The following SND1 variants were observed in gnomAD, a reference collection of about 807,000 sequenced individuals.
SND1 encodes staphylococcal nuclease and tudor domain containing 1, also known as staphylococcal nuclease domain-containing protein 1.
A neutral mutation model predicts 121.7 loss-of-function variants in SND1; 38 were observed. The ratio of observed to expected loss-of-function variants is 0.31; its 90% CI spans 0.24 to 0.41. The LOEUF (loss-of-function observed/expected upper bound fraction) is 0.41, where lower values mean the gene tolerates loss of function less well. Among genes scored for constraint, SND1 ranks in the 10% least tolerant of loss-of-function variants. The pLI is 1.00. For synonymous variants in SND1, 401 were observed against 447.4 expected, an observed-to-expected ratio of 0.90 and a Z score of 1.31; for missense variants, 868 against 1,184.6, an observed-to-expected ratio of 0.73 and a Z score of 3.92.
intron 10 of SND1, among the ~76,000 whole-genome samples, chr7:127,739,731 T>C (rs1248082512): frequency 6.6e-6 from 1 of 152,236 alleles, no homozygotes; most frequent in Non-Finnish European, 1.5e-5. Flanking sequence ...AAGTTGGACT[T>C]GGTCCTCTTG....
At chr7:127,740,097 T>C (rs1346498639) in intron 10 of SND1, among the ~76,000 whole-genome samples, 2 of 152,236 alleles carry the variant, frequency 1.3e-5, no homozygotes, top group African/African-American at 2.4e-5. Flanking sequence ...AAATTCTCGC[T>C]GCCTGCAAGC....
At chr7:127,960,124 T>G (rs563579772) in intron 15 of SND1, among the ~76,000 whole-genome samples, 4 of 152,242 alleles carry the variant, frequency 2.6e-5, no homozygotes, top group Non-Finnish European at 5.9e-5. Flanking sequence ...GCACCTCTGC[T>G]TCTGTCGCTG....
At chr7:127,904,962 AT>A (rs953395250) in intron 14 of SND1, 143 bp downstream of exon 14, 96 of 607,320 alleles carry the variant, frequency 1.6e-4, no homozygotes, top group Non-Finnish European at 2.6e-4. Flanking sequence ...ACCCCGGGGC[AT>A]CTACTTAGGT....
chr7:127,688,555 A>G (rs557594718), intron 2 of SND1, among the ~76,000 whole-genome samples: 1 of 151,458 alleles, frequency 6.6e-6, no homozygotes, highest in East Asian at 1.9e-4. Context: ...TCTCAAAAAA[A>G]AAAAAAAAAA....
At chr7:127,926,713 C>T (rs559531692) in intron 14 of SND1, among the ~76,000 whole-genome samples, 3 of 135,614 alleles carry the variant, frequency 2.2e-5, no homozygotes, top group African/African-American at 8.4e-5. Flanking sequence ...CCACCACACC[C>T]GGCTATTTTG....
intron 12 of SND1, among the ~76,000 whole-genome samples, chr7:127,853,682 G>T (rs776535968): frequency 4.6e-5 from 7 of 152,212 alleles, no homozygotes; most frequent in Non-Finnish European, 1.0e-4. Context: ...GGGCTTCAAA[G>T]TTCCATAGGG....
At chr7:127,714,443 A>G (rs539168364) in intron 9 of SND1, among the ~76,000 whole-genome samples, 97 of 152,310 alleles carry the variant, frequency 6.4e-4, no homozygotes, top group African/African-American at 2.3e-3. Flanking sequence ...GGAGTTCATT[A>G]TCATGTCTCT....
chr7:127,959,111 C>A (rs1443172770), intron 15 of SND1, among the ~76,000 whole-genome samples: 2 of 152,134 alleles, frequency 1.3e-5, no homozygotes, highest in Non-Finnish European at 2.9e-5. Flanking sequence ...ATAGCAGCAG[C>A]CCACGAGTTC....
At chr7:127,962,525 C>T (rs1307008714) in intron 15 of SND1, among the ~76,000 whole-genome samples, 1 of 152,170 alleles carries the variant, frequency 6.6e-6, no homozygotes, top group African/African-American at 2.4e-5. Flanking sequence ...CTGTTGGCAA[C>T]AGAAAGCAGG....
At chr7:127,656,726 G>A (rs757401533) in intron 1 of SND1, among the ~76,000 whole-genome samples, 109 of 152,242 alleles carry the variant, frequency 7.2e-4, no homozygotes, top group African/African-American at 2.3e-3. Flanking sequence ...CAGGGACCCC[G>A]AACAGAGGGA....
At chr7:127,694,801 A>C in intron 2 of SND1, 27 bp from the exon 3 acceptor site, 4 of 1,612,552 alleles carry the variant, frequency 2.5e-6, no homozygotes, top group Non-Finnish European at 3.4e-6. Flanking sequence ...GGCAGTTCTC[A>C]TGTGACATAT....
At chr7:127,885,141 G>T (rs1471192753) in intron 12 of SND1, among the ~76,000 whole-genome samples, 1 of 152,136 alleles carries the variant, frequency 6.6e-6, no homozygotes, top group Non-Finnish European at 1.5e-5. Flanking sequence ...AAAATACTGT[G>T]CTTGGAACTG....
Position 127,807,492 on chromosome 7 carries a change from C to G in SND1, c.1161C>G (p.Asn387Lys). The change falls in exon 11 of 24, where the codon AAC (asparagine) becomes AAG (lysine). Residue 387 changes from asparagine (N) to lysine (K), a missense_variant. By Grantham distance (94) the Asn-to-Lys change is moderately conservative. Transcript: ENST00000354725. ...TTTTATTTTACTTTTAGGATAAGAA[C>G]AAGAAACTGCGTCCCCTGTATGACA... ...RLEGENTQDK[N>K]KKLRPLYDIP... 6.2e-7 allele frequency: 1 copy of G among 1,613,478 alleles called. No individual in the cohort carries two copies. Among genetic ancestry groups the G allele is most frequent in the Non-Finnish European group, 8.5e-7 (1 of 1,179,488 alleles).
chr7:127,852,831 G>T (rs1378890888), intron 12 of SND1, among the ~76,000 whole-genome samples: 1 of 151,816 alleles, frequency 6.6e-6, no homozygotes, highest in Non-Finnish European at 1.5e-5. Context: ...AGAAGAAAAA[G>T]AAATAACACC....
At chr7:127,656,219 T>G (rs998665511) in intron 1 of SND1, among the ~76,000 whole-genome samples, 2 of 152,208 alleles carry the variant, frequency 1.3e-5, no homozygotes, top group Non-Finnish European at 2.9e-5. Flanking sequence ...AGCTTAGTGG[T>G]GATTCCTTCA....
At chr7:128,028,560 C>A in intron 16 of SND1, 5 of 826,540 alleles carry the variant, frequency 6.0e-6, no homozygotes, top group Admixed American at 3.0e-5. Flanking sequence ...TTTTTTTTAA[C>A]CAGCCCATAG....
chr7:128,087,104 C>T lies in SND1; in HGVS notation c.2418+53C>T, dbSNP rs1198499994. On this transcript the variant is annotated intron_variant, in intron 21 of 23. Coordinates refer to ENST00000354725, the MANE Select transcript of SND1 (RefSeq NM_014390.4). ...AGGGGACTATCCACTGACACTTAGC[C>T]GCTGCAGCAGCCCTCATGGGCTGAC... is the stretch of plus-strand genomic sequence containing the variant. 1.2e-5 allele frequency: 17 copies of T among 1,388,968 alleles called. No homozygotes were observed. In the East Asian group the frequency reaches 2.1e-4, roughly 17 times the overall value. 86.0% of individuals were successfully genotyped at this position (1,388,968 alleles called of 1,614,324 possible).
At position 127,900,512 on chromosome 7, in the gene SND1, G is replaced by C. The variant is rs937405150; in HGVS notation, c.1455-4235G>C. On this transcript the variant is annotated intron_variant, in intron 13 of 23. Transcript: ENST00000354725. ...ATTCTAATCTTGTGCTGAGGCCATG[G>C]AGATGATCTCCCTGCAAAAATGTTG... Among the ~76,000 whole-genome samples the C allele has an allele frequency of 1.6e-4, 25 of 152,206 alleles. 1 individual carries two copies. Among genetic ancestry groups the C allele is most frequent in the African/African-American group, 4.8e-4 (20 of 41,454 alleles).
At chr7:127,653,717 T>G (rs1795163542) in intron 1 of SND1, among the ~76,000 whole-genome samples, 1 of 152,214 alleles carries the variant, frequency 6.6e-6, no homozygotes. Flanking sequence ...TGTGTAAAGC[T>G]GATTTTAAGA....
Sources: gnomAD v4.1 joint callset for allele counts (sites outside exome capture counted in the v4.1 genomes callset) on GRCh38, gnomAD v4.1.1 for gene constraint, MANE v1.5 for transcripts, NCBI Gene and HGNC (gene_info 2026-07-23, HGNC 2026-07-21) for gene names.